Variants in SLC14A2 observed in about 807,000 individuals in gnomAD.
SLC14A2 encodes solute carrier family 14 member 2.
Under a neutral mutation model 104.6 loss-of-function variants are expected in SLC14A2, and 91 were observed. The ratio of observed to expected loss-of-function variants is 0.87; its 90% CI spans 0.73 to 1.04. The LOEUF is 1.04. Ranked by LOEUF, SLC14A2 falls within the 50% of genes least tolerant of loss-of-function variation. SLC14A2 has a pLI of 0.00. For missense variants in SLC14A2, 1,189 were observed against 1,156.0 expected, an observed-to-expected ratio of 1.03 and a Z score of -0.41; for synonymous variants, 476 against 466.4, an observed-to-expected ratio of 1.02 and a Z score of -0.27.
chr18:45,668,148 C>T (rs1479775861), intron 14 of SLC14A2, 126 bp downstream of exon 14: 1 of 1,148,842 alleles, frequency 8.7e-7, no homozygotes, highest in Non-Finnish European at 1.2e-6. Context: ...ATGACTGTTC[C>T]CTGGTTATTT....
At chr18:45,225,252 C>G (rs1424835799) in intron 1 of SLC14A2, among the ~76,000 whole-genome samples, 1 of 152,018 alleles carries the variant, frequency 6.6e-6, no homozygotes, top group Admixed American at 6.6e-5. Flanking sequence ...ATAGGGAATC[C>G]TTTCCCCATT....
chr18:45,531,403 G>A (rs1232136451), intron 2 of SLC14A2, among the ~76,000 whole-genome samples: 1 of 152,232 alleles, frequency 6.6e-6, no homozygotes, highest in Non-Finnish European at 1.5e-5. Context: ...TAACTGGTGT[G>A]AGATGGTGTC....
chr18:45,616,727 A>T (rs1294190738), intron 1 of SLC14A2, among the ~76,000 whole-genome samples: 2 of 152,232 alleles, frequency 1.3e-5, no homozygotes, highest in Non-Finnish European at 2.9e-5. Context: ...TGCAAGAGGC[A>T]ATAAATAAAT....
chr18:45,391,918 C>T (rs1431811734), intron 1 of SLC14A2, among the ~76,000 whole-genome samples: 1 of 152,184 alleles, frequency 6.6e-6, no homozygotes, highest in Non-Finnish European at 1.5e-5. Flanking sequence ...TGTGCAGAAG[C>T]TCTTTGGTTT....
At chr18:45,234,516 C>G (rs890234547) in intron 1 of SLC14A2, among the ~76,000 whole-genome samples, 1 of 146,552 alleles carries the variant, frequency 6.8e-6, no homozygotes, top group African/African-American at 2.8e-5. Flanking sequence ...TAAGAGGCTT[C>G]CAAAACATCA....
rs376742677 is a variant in SLC14A2, at chr18:45,332,986, A to C, written c.-125+119795A>C. The stretch of plus-strand genomic sequence containing the variant: ...AAAGTTCTTTCCTGAAGAATTCATA[A>C]AAATGCAGCTGGGGTAAATGGGCTG... On this transcript the variant is annotated intron_variant, in intron 1 of 20. Coordinates refer to the SLC14A2 transcript ENST00000586448. 2.3e-3 allele frequency among the ~76,000 whole-genome samples: 345 copies of C among 152,304 alleles called. 1 individual carries two copies. Among genetic ancestry groups the C allele is most frequent in the Middle Eastern group, 0.02 (6 of 294 alleles).
At chr18:45,352,225 G>C (rs1376493072) in intron 1 of SLC14A2, among the ~76,000 whole-genome samples, 1 of 152,112 alleles carries the variant, frequency 6.6e-6, no homozygotes, top group Admixed American at 6.5e-5. Flanking sequence ...GTTGAGTCCT[G>C]TGTAAATTTT....
chr18:45,314,157 G>A (rs561325690), intron 1 of SLC14A2, among the ~76,000 whole-genome samples: 2 of 152,342 alleles, frequency 1.3e-5, no homozygotes, highest in African/African-American at 4.8e-5. Context: ...AGAACAAAGT[G>A]AAAAGAAAAT....
chr18:45,566,023 T>C (rs1489488103), intron 2 of SLC14A2, among the ~76,000 whole-genome samples: 1 of 152,240 alleles, frequency 6.6e-6, no homozygotes, highest in East Asian at 1.9e-4. Flanking sequence ...TGTGCACAGC[T>C]TCCTTAAGGA....
intron 1 of SLC14A2, among the ~76,000 whole-genome samples, chr18:45,439,823 C>T (rs2086654742): frequency 6.6e-6 from 1 of 152,210 alleles, no homozygotes; most frequent in African/African-American, 2.4e-5. Flanking sequence ...CAGGGAAAGA[C>T]TTGACACCAG....
chr18:45,512,529 C>T (rs949021292), intron 2 of SLC14A2, among the ~76,000 whole-genome samples: 1 of 152,102 alleles, frequency 6.6e-6, no homozygotes, highest in Admixed American at 6.5e-5. Flanking sequence ...CCTGGTCAGC[C>T]CTTGCTTACT....
chr18:45,190,858 T>C, the SLC14A2 span, among the ~76,000 whole-genome samples: 9 of 152,310 alleles, frequency 5.9e-5, no homozygotes, highest in East Asian at 5.8e-4. Flanking sequence ...GCCCAAGGCC[T>C]CACAGCTAAG....
intron 1 of SLC14A2, among the ~76,000 whole-genome samples, chr18:45,283,063 C>T (rs1022050011): frequency 2.9e-4 from 44 of 152,202 alleles, no homozygotes; most frequent in African/African-American, 1.0e-3. Flanking sequence ...TTCCCTCCTC[C>T]GTGAGAACGA....
chr18:45,463,362 G>T (rs1204931569), intron 1 of SLC14A2, among the ~76,000 whole-genome samples: 1 of 152,202 alleles, frequency 6.6e-6, no homozygotes. Flanking sequence ...TGTTCAGTTA[G>T]GGACACAGAT....
intron 1 of SLC14A2, among the ~76,000 whole-genome samples, chr18:45,368,297 A>G (rs2085686822): frequency 6.6e-6 from 1 of 152,116 alleles, no homozygotes; most frequent in African/African-American, 2.4e-5. Flanking sequence ...ATGATATTAG[A>G]ATATATAGAA....
At chr18:45,571,897 C>CAGTT (rs2044351751) in intron 2 of SLC14A2, among the ~76,000 whole-genome samples, 1 of 152,200 alleles carries the variant, frequency 6.6e-6, no homozygotes, top group Non-Finnish European at 1.5e-5. Context: ...TCTGTACCTA[C>CAGTT]AGTTATACCT....
chr18:45,436,160 G>A (rs565839686), intron 1 of SLC14A2, among the ~76,000 whole-genome samples: 1 of 152,172 alleles, frequency 6.6e-6, no homozygotes, highest in Non-Finnish European at 1.5e-5. Flanking sequence ...GGAGTAAAAT[G>A]TCCAGAATGG....
chr18:45,350,372 A>G (rs1352970697), intron 1 of SLC14A2, among the ~76,000 whole-genome samples: 1 of 152,202 alleles, frequency 6.6e-6, no homozygotes, highest in African/African-American at 2.4e-5. Flanking sequence ...ATTATAAAAC[A>G]AACACACTCA....
intron 1 of SLC14A2, among the ~76,000 whole-genome samples, chr18:45,407,706 T>C (rs1402283956): frequency 1.3e-5 from 2 of 152,150 alleles, no homozygotes; most frequent in African/African-American, 4.8e-5. Flanking sequence ...GGGTCCTTAA[T>C]TGGCCTAATT....
Sources: allele counts gnomAD v4.1 joint callset (sites outside exome capture counted in the v4.1 genomes callset), GRCh38; gene constraint gnomAD v4.1.1; transcripts MANE v1.5; gene names NCBI Gene and HGNC (gene_info 2026-07-23, HGNC 2026-07-21).